SGCZ: variants seen among roughly 807,000 people sequenced by gnomAD.
SGCZ encodes the protein zeta-sarcoglycan.
SGCZ carries 40 observed loss-of-function variants against 41.3 expected under a neutral mutation model. The ratio of observed to expected loss-of-function variants is 0.97; its 90% CI spans 0.75 to 1.26. The LOEUF is 1.26. Ranked by LOEUF, SGCZ falls within the 50% of genes most tolerant of loss-of-function variation. The probability of loss-of-function intolerance (pLI) is 0.00; values close to 1 mark genes in which losing one functional copy is unlikely to be tolerated. For synonymous variants in SGCZ, 206 were observed against 137.5 expected (o/e 1.50, Z -3.49); for missense variants, 552 against 369.8 (o/e 1.49, Z -4.04).
chr8:15,234,252 C>T (rs1393054452), intron 1 of SGCZ, among the ~76,000 whole-genome samples: 1 of 152,198 alleles, frequency 6.6e-6, no homozygotes, highest in Non-Finnish European at 1.5e-5. Flanking sequence ...TGCTAAAAGG[C>T]ACCCAGTACT....
At chr8:14,715,295 G>C (rs894267790) in intron 1 of SGCZ, among the ~76,000 whole-genome samples, 5 of 151,854 alleles carry the variant, frequency 3.3e-5, no homozygotes, top group Non-Finnish European at 5.9e-5. Flanking sequence ...AAAAAAATTG[G>C]GGAGGAAAAA....
intron 2 of SGCZ, among the ~76,000 whole-genome samples, chr8:14,534,879 G>T (rs373968151): frequency 6.6e-6 from 1 of 152,056 alleles, no homozygotes; most frequent in Admixed American, 6.6e-5. Flanking sequence ...TGATGAATAA[G>T]CATAAGGGAA....
rs1800895556 is a variant in SGCZ at position 14,461,305 on chromosome 8, G to A, written c.234+93427C>T. 2.0e-5 allele frequency among the ~76,000 whole-genome samples: 3 copies of A among 152,022 alleles called. No individual in the cohort carries two copies. The South Asian group carries it at 6.2e-4, about 32-fold the overall frequency. ...TGGCTTCTATTCAGAACAACTCTTA[G>A]TTTTAGCATTCTGTTCTATACACAA... On this transcript the variant is annotated intron_variant, in intron 2 of 7. Coordinates refer to ENST00000382080, the MANE Select transcript of SGCZ (RefSeq NM_139167.4).
intron 1 of SGCZ, among the ~76,000 whole-genome samples, chr8:15,078,566 A>G (rs1448193386): frequency 2.0e-5 from 3 of 152,002 alleles, no homozygotes. Context: ...TTACATTTTG[A>G]GTCCATTGGT....
At chr8:15,194,631 G>A (rs1291947412) in intron 1 of SGCZ, among the ~76,000 whole-genome samples, 1 of 152,140 alleles carries the variant, frequency 6.6e-6, no homozygotes, top group Non-Finnish European at 1.5e-5. Flanking sequence ...ATGTAAGGAT[G>A]GAAGTAGAGA....
intron 2 of SGCZ, among the ~76,000 whole-genome samples, chr8:14,522,222 G>C (rs1802811620): frequency 6.6e-6 from 1 of 151,986 alleles, no homozygotes; most frequent in Admixed American, 6.6e-5. Context: ...TTGGTTTGTA[G>C]TTTTAGTTTT....
intron 1 of SGCZ, among the ~76,000 whole-genome samples, chr8:14,705,158 C>A (rs1809294272): frequency 6.6e-6 from 1 of 151,852 alleles, no homozygotes; most frequent in Admixed American, 6.6e-5. Flanking sequence ...ACCTTATGCA[C>A]CTCATAACAA....
intron 1 of SGCZ, among the ~76,000 whole-genome samples, chr8:14,811,097 C>T (rs948294920): frequency 6.6e-6 from 1 of 151,918 alleles, no homozygotes; most frequent in Non-Finnish European, 1.5e-5. Context: ...TAAAAACTGT[C>T]AGGATTTTCT....
intron 1 of SGCZ, among the ~76,000 whole-genome samples, chr8:14,844,630 T>A (rs1252888390): frequency 1.3e-5 from 2 of 152,264 alleles, no homozygotes; most frequent in East Asian, 3.9e-4. Flanking sequence ...GGGCCTGTTT[T>A]TTTCCGAGCA....
At chr8:14,339,820 T>A (rs1395255614) in intron 2 of SGCZ, among the ~76,000 whole-genome samples, 1 of 151,998 alleles carries the variant, frequency 6.6e-6, no homozygotes, top group Non-Finnish European at 1.5e-5. Context: ...AATATGTGCA[T>A]AAAATTGACG....
intron 1 of SGCZ, among the ~76,000 whole-genome samples, chr8:14,880,891 A>G (rs1416261110): frequency 6.6e-5 from 10 of 152,126 alleles, no homozygotes; most frequent in Non-Finnish European, 1.3e-4. Context: ...TCAACATGGC[A>G]CATGTATACA....
At chr8:14,888,062 G>C (rs116425512) in intron 1 of SGCZ, among the ~76,000 whole-genome samples, 3 of 152,048 alleles carry the variant, frequency 2.0e-5, no homozygotes, top group African/African-American at 7.2e-5. Context: ...CTATCACAAC[G>C]TCACTCTGTG....
At position 15,099,057 on chromosome 8, in the gene SGCZ, C is replaced by CA. The variant is rs1384289489; in HGVS notation, c.39+138527dup. Among the ~76,000 whole-genome samples, 10 of 152,130 alleles carry CA rather than the reference C, an allele frequency of 6.6e-5. No homozygotes were observed. The South Asian group carries it at 1.4e-3, about 22-fold the overall frequency. On this transcript the variant is annotated intron_variant, in intron 1 of 7. Transcript: ENST00000382080. ...TGAGTGACAGAGCGAGACTCCGTCT[C>CA]AAAAAAACAAACAAACAACAAAAAA... is the stretch of plus-strand genomic sequence containing the variant.
chr8:14,918,565 C>T (rs1331455496), intron 1 of SGCZ, among the ~76,000 whole-genome samples: 1 of 152,098 alleles, frequency 6.6e-6, no homozygotes, highest in Non-Finnish European at 1.5e-5. Flanking sequence ...TGTAAACAAA[C>T]AAATGATAAT....
At chr8:14,897,192 G>C (rs1805232853) in intron 1 of SGCZ, among the ~76,000 whole-genome samples, 1 of 152,224 alleles carries the variant, frequency 6.6e-6, no homozygotes, top group African/African-American at 2.4e-5. Flanking sequence ...ATCATGTAAA[G>C]GTATTTTAAT....
intron 3 of SGCZ, among the ~76,000 whole-genome samples, chr8:14,239,831 G>A (rs1798799290): frequency 1.4e-5 from 2 of 139,960 alleles, no homozygotes; most frequent in African/African-American, 2.7e-5. Flanking sequence ...GAACCCGGGA[G>A]GCGGAGCTTG....
intron 4 of SGCZ, among the ~76,000 whole-genome samples, chr8:14,189,829 A>G (rs1019416356): frequency 1.1e-4 from 17 of 152,024 alleles, no homozygotes; most frequent in Non-Finnish European, 2.2e-4. Context: ...TACTTCCAGG[A>G]TTTGTATCTG....
chr8:14,325,405 A>G (rs1802057464), intron 2 of SGCZ, among the ~76,000 whole-genome samples: 1 of 151,006 alleles, frequency 6.6e-6, no homozygotes, highest in Admixed American at 6.6e-5. Context: ...TGTAGGCTCA[A>G]TCCCAAAGCA....
chr8:14,594,792 T>A (rs1330536438), intron 1 of SGCZ, among the ~76,000 whole-genome samples: 1 of 151,902 alleles, frequency 6.6e-6, no homozygotes, highest in Non-Finnish European at 1.5e-5. Flanking sequence ...ATTCAGTGTT[T>A]CCTGATTAAA....
Sources: gnomAD v4.1 joint callset for allele counts (sites outside exome capture counted in the v4.1 genomes callset) on GRCh38, gnomAD v4.1.1 for gene constraint, MANE v1.5 for transcripts, NCBI Gene and HGNC (gene_info 2026-07-23, HGNC 2026-07-21) for gene names.